The following SYBU variants were observed in gnomAD, a reference collection of about 807,000 sequenced individuals.
SYBU encodes the protein GOLSYN A protein.
Under a neutral mutation model 35.9 loss-of-function variants are expected in SYBU, and 21 were observed. That is an observed-to-expected ratio of 0.58 (90% CI 0.41 to 0.84). The LOEUF (loss-of-function observed/expected upper bound fraction) is 0.84. Among genes scored for constraint, SYBU ranks in the 40% least tolerant of loss-of-function variants. The pLI is 0.00. For synonymous variants in SYBU, 319 were observed against 324.3 expected, an observed-to-expected ratio of 0.98 and a Z score of 0.18; for missense variants, 768 against 848.2, an observed-to-expected ratio of 0.91 and a Z score of 1.17.
intron 1 of SYBU, chr8:109,644,179 C>T (rs1421754921): frequency 2.2e-6 from 1 of 461,864 alleles, no homozygotes; most frequent in Admixed American, 2.3e-5. Flanking sequence ...GGCCGCCAGC[C>T]GCACGCAGCC....
At chr8:109,685,278 G>A (rs1043981062), upstream of SYBU, among the ~76,000 whole-genome samples, 1 of 152,120 alleles carries the variant, frequency 6.6e-6, no homozygotes, top group Non-Finnish European at 1.5e-5. Context: ...ATAATTTAAT[G>A]CATGGAGGAA....
intron 3 of SYBU, among the ~76,000 whole-genome samples, chr8:109,612,212 G>C (rs970304506): frequency 3.3e-5 from 5 of 152,102 alleles, no homozygotes; most frequent in African/African-American, 1.2e-4. Context: ...TTGATATTAG[G>C]ATGAAATGAG....
intron 1 of SYBU, among the ~76,000 whole-genome samples, chr8:109,675,681 A>G (rs919542901): frequency 6.6e-6 from 1 of 152,140 alleles, no homozygotes; most frequent in African/African-American, 2.4e-5. Context: ...CAGGACCAGA[A>G]GGATTCACAG....
intron 2 of SYBU, 60 bp downstream of exon 2, chr8:109,642,668 C>T: frequency 8.0e-7 from 1 of 1,247,142 alleles, no homozygotes; most frequent in Non-Finnish European, 1.1e-6. Flanking sequence ...TGGGCCCATT[C>T]ACAATGCACC....
In SYBU at chr8:109,584,393, T is replaced by C. The variant is rs1434334317; in HGVS notation, c.530+1667A>G. On this transcript the variant is annotated intron_variant, in intron 4 of 6. Coordinates refer to ENST00000276646, the MANE Select transcript of SYBU (RefSeq NM_001099754.2). This position sits in a 1 kb window ranked among gnomAD's most constrained non-coding sequence, Gnocchi z 4.0. ...ACCACAAACACTGATTCCTTTGAAA[T>C]ATTTAAGTTGGCTTCATCTACAGGC... 6.6e-6 allele frequency among the ~76,000 whole-genome samples: 1 copy of C among 152,246 alleles called. No individual in the cohort carries two copies. The highest frequency in any genetic ancestry group is 1.5e-5 in the Non-Finnish European group (1 of 68,050).
chr8:109,666,215 A>G (rs1230695884), intron 1 of SYBU, among the ~76,000 whole-genome samples: 1 of 152,128 alleles, frequency 6.6e-6, no homozygotes, highest in East Asian at 1.9e-4. Context: ...GAACAACACA[A>G]CATATTCTTT....
At chr8:109,635,947 G>T (rs1814175418) in intron 2 of SYBU, among the ~76,000 whole-genome samples, 1 of 152,202 alleles carries the variant, frequency 6.6e-6, no homozygotes, top group Non-Finnish European at 1.5e-5. Context: ...TTGTCCCACA[G>T]AATTTAAAAG....
rs750931844 is a variant in SYBU, at chr8:109,575,314, C to T, written c.1584G>A (p.Ser528=). ...LASPDESEPD[S]MESFPESLSA... Reference sequence around the variant, plus strand: ...AGAGGGACTCTGGGAAGCTCTCCATCGAGTCTGGTTCAGACTCATCAGGGG... The same window carrying T: ...AGAGGGACTCTGGGAAGCTCTCCATTGAGTCTGGTTCAGACTCATCAGGGG... Residue 528 remains serine, a synonymous_variant, in exon 7 of 7, where the codon TCG becomes TCA. Coordinates refer to ENST00000276646, the MANE Select transcript of SYBU (RefSeq NM_001099754.2). The T allele has an allele frequency of 1.9e-6, 3 of 1,614,052 alleles. No individual in the cohort carries two copies. The highest frequency in any genetic ancestry group is 1.1e-5 in the South Asian group (1 of 91,084).
At chr8:109,651,869 T>C (rs1816156057) in intron 1 of SYBU, among the ~76,000 whole-genome samples, 1 of 152,224 alleles carries the variant, frequency 6.6e-6, no homozygotes, top group Non-Finnish European at 1.5e-5. Flanking sequence ...TTTCTCTCGA[T>C]GACTTATGGC....
chr8:109,677,607 A>C (rs987204023), intron 1 of SYBU, among the ~76,000 whole-genome samples: 1 of 152,224 alleles, frequency 6.6e-6, no homozygotes, highest in Non-Finnish European at 1.5e-5. Flanking sequence ...TGAGGAAGGA[A>C]GGTGAAAACT....
intron 2 of SYBU, among the ~76,000 whole-genome samples, chr8:109,629,618 T>C (rs943761044): frequency 2.6e-5 from 4 of 152,120 alleles, no homozygotes; most frequent in African/African-American, 9.7e-5. Context: ...TGTGCATGTG[T>C]CTTTATAGCA....
At chr8:109,598,995 G>A (rs1299886061) in intron 3 of SYBU, among the ~76,000 whole-genome samples, 1 of 152,196 alleles carries the variant, frequency 6.6e-6, no homozygotes, top group Non-Finnish European at 1.5e-5. Flanking sequence ...TAAACACCAG[G>A]AAAGTATACC....
rs769520413 is a variant in SYBU at position 109,576,000 on chromosome 8, C to T, written c.898G>A (p.Val300Met). Reference protein sequence around the residue: ...RRLHERESEIVELKSQLARMR... With the variant: ...RRLHERESEIMELKSQLARMR... ...CGGGCCAGCTGGGACTTAAGCTCCA[C>T]GATTTCACTTTCCCTAGAGTGCCAA... Residue 300 changes from valine to methionine, a missense_variant, in exon 7 of 7, where the codon GTG (valine) becomes ATG (methionine). By Grantham distance (21) the Val-to-Met change is conservative. Transcript: ENST00000276646. 44 of 1,576,398 alleles carry T rather than the reference C, an allele frequency of 2.8e-5. No individual in the cohort carries two copies. Among genetic ancestry groups the T allele is most frequent in the Non-Finnish European group, 3.5e-5 (41 of 1,163,252 alleles).
At chr8:109,679,314 T>C (rs1481516224) in intron 1 of SYBU, among the ~76,000 whole-genome samples, 3 of 152,144 alleles carry the variant, frequency 2.0e-5, no homozygotes, top group East Asian at 3.9e-4. Flanking sequence ...GAAATAGCCA[T>C]AAAAATAGCC....
intron 1 of SYBU, among the ~76,000 whole-genome samples, chr8:109,672,946 C>A (rs889053621): frequency 6.6e-6 from 1 of 152,244 alleles, no homozygotes; most frequent in Non-Finnish European, 1.5e-5. Context: ...CCCACCACAG[C>A]ACCACAAAGC....
intron 4 of SYBU, among the ~76,000 whole-genome samples, chr8:109,582,992 A>C (rs1285087238): frequency 6.6e-6 from 1 of 152,122 alleles, no homozygotes; most frequent in African/African-American, 2.4e-5. Context: ...GTGAGTAAAT[A>C]CATTTCTGTT....
In SYBU at chr8:109,666,622, T is replaced by A. The variant is rs116755526; in HGVS notation, c.-129+14089A>T. ...CAGGCATGGTGATGCATGCCTGTAA[T>A]CCTTGCTATTTGGGAGACCAAGGCT... On this transcript the variant is annotated intron_variant, in intron 1 of 5. Transcript: ENST00000408889. Among the ~76,000 whole-genome samples the A allele has an allele frequency of 9.8e-3, 1,485 of 152,226 alleles. 31 individuals are homozygous for A. Among genetic ancestry groups the A allele is most frequent in the African/African-American group, 0.034 (1,421 of 41,512 alleles).
rs772107286 is a variant in SYBU, at chr8:109,619,085, A to G, written c.230-46T>C. On this transcript the variant is annotated intron_variant, in intron 2 of 6. Coordinates refer to ENST00000276646, the MANE Select transcript of SYBU (RefSeq NM_001099754.2). ...AGTGTTTAATGATGAGGAGGAAATC[A>G]ATGATGGTGAGAAGCCATGCGGTGC... The G allele has an allele frequency of 3.3e-6, 5 of 1,500,000 alleles. No homozygotes were observed. In the South Asian group the frequency reaches 4.5e-5, roughly 14 times the overall value. 92.9% of individuals were successfully genotyped at this position (1,500,000 alleles called of 1,614,324 possible). A position where few individuals can be genotyped will look rare whatever the true frequency, so the allele number is the denominator to read the frequency against.
intron 1 of SYBU, among the ~76,000 whole-genome samples, chr8:109,666,603 T>C (rs569318439): frequency 7.9e-5 from 12 of 152,172 alleles, no homozygotes; most frequent in African/African-American, 2.9e-4. Flanking sequence ...TAGCCAGGCA[T>C]GGTGATGCAT....
Sources: allele counts gnomAD v4.1 joint callset (sites outside exome capture counted in the v4.1 genomes callset), GRCh38; gene constraint gnomAD v4.1.1; non-coding constraint Gnocchi (gnomAD v3.1); transcripts MANE v1.5; gene names NCBI Gene and HGNC (gene_info 2026-07-23, HGNC 2026-07-21).